CEP55: variants seen among roughly 807,000 people sequenced by gnomAD.
The protein encoded by CEP55 is centrosomal protein of 55 kDa.
In CEP55, 57 loss-of-function variants were observed where a neutral mutation model predicts 63.2. That is an observed-to-expected ratio of 0.90 (90% confidence interval 0.73 to 1.13). The LOEUF is 1.13. Among genes scored for constraint, CEP55 ranks in the 50% most tolerant of loss-of-function variants. The pLI is 0.00. For missense variants in CEP55, 456 were observed against 518.9 expected (o/e 0.88, Z 1.18); for synonymous variants, 178 against 191.6 (o/e 0.93, Z 0.59).
intron 3 of CEP55, among the ~76,000 whole-genome samples, chr10:93,506,191 C>T (rs2057686572): frequency 1.3e-5 from 2 of 152,218 alleles, no homozygotes; most frequent in African/African-American, 2.4e-5. Flanking sequence ...TCCTACCCGC[C>T]TTGCCCTCCC....
In CEP55 at chr10:93,524,788, C is replaced by T. The variant is rs184442670; in HGVS notation, c.1192-3162C>T. 4.6e-3 allele frequency among the ~76,000 whole-genome samples: 703 copies of T among 152,226 alleles called. 3 individuals carry two copies. The highest frequency in any genetic ancestry group is 0.016 in the African/African-American group (664 of 41,548). On this transcript the variant is annotated intron_variant, in intron 8 of 8. Coordinates refer to ENST00000371485, the MANE Select transcript of CEP55 (RefSeq NM_018131.5). ...TGGGATGCAAGGCTGGTTCAACATA[C>T]GCAAATCAATAAACGTAATCCAGCA...
Position 93,517,170 on chromosome 10 carries a change from A to C in CEP55, c.915A>C (p.Gln305His). The C allele has an allele frequency of 1.9e-6, 3 of 1,613,848 alleles. No individual in the cohort carries two copies. The highest frequency in any genetic ancestry group is 2.5e-6 in the Non-Finnish European group (3 of 1,179,874). ...EDDRHKTEKI[Q>H]KLREENDIAR... is the part of the protein sequence containing the mutation. ...ATAGGCATAAAACAGAGAAGATACA[A>C]AAACTCAGGGAAGAGAATGATATTG... Residue 305 changes from glutamine (Q) to histidine (H), a missense_variant, in exon 6 of 9, where the codon CAA becomes CAC. Coordinates refer to ENST00000371485, the MANE Select transcript of CEP55 (RefSeq NM_018131.5).
At chr10:93,525,164 A>G (rs1346649142) in intron 8 of CEP55, among the ~76,000 whole-genome samples, 1 of 152,238 alleles carries the variant, frequency 6.6e-6, no homozygotes, top group East Asian at 1.9e-4. Context: ...CTGTTTGCAG[A>G]TGACATGATT....
At position 93,500,078 on chromosome 10, in the gene CEP55, A is replaced by T. The variant is rs774728365; in HGVS notation, c.27A>T (p.Leu9Phe). 9 of 1,608,900 alleles carry T rather than the reference A, an allele frequency of 5.6e-6. No homozygotes were observed. In the East Asian group the frequency reaches 2.0e-4, roughly 36 times the overall value. Residue 9 changes from leucine to phenylalanine, a missense_variant, in exon 2 of 9, where the codon TTA becomes TTT. Transcript: ENST00000371485. MSSRSTKDLIKSKWGSKPS... is the reference protein window; with the variant it reads MSSRSTKDFIKSKWGSKPS... ...TGTCTTCCAGAAGTACCAAAGATTT[A>T]ATTAAAAGTAAGTGGGGATCGAAGC...
At chr10:93,498,140 G>A (rs1293323952) in intron 1 of CEP55, among the ~76,000 whole-genome samples, 1 of 122,440 alleles carries the variant, frequency 8.2e-6, no homozygotes, top group Non-Finnish European at 1.7e-5. Flanking sequence ...CCCCGCCCCC[G>A]CCAAAAAAAA....
At chr10:93,525,023 C>T (rs1316966267) in intron 8 of CEP55, among the ~76,000 whole-genome samples, 5 of 150,518 alleles carry the variant, frequency 3.3e-5, no homozygotes, top group Non-Finnish European at 7.4e-5. Context: ...CCTTTGAAAA[C>T]TGGCACAAGA....
At chr10:93,507,088 A>G in intron 4 of CEP55, 32 bp downstream of exon 4, 1 of 1,219,886 alleles carries the variant, frequency 8.2e-7, no homozygotes, top group Non-Finnish European at 1.2e-6. Flanking sequence ...TTATGGGTAA[A>G]GAGGGCTAAT....
At chr10:93,523,337 A>C (rs1460082438) in intron 8 of CEP55, among the ~76,000 whole-genome samples, 2 of 152,200 alleles carry the variant, frequency 1.3e-5, no homozygotes, top group African/African-American at 4.8e-5. Flanking sequence ...CAAAACAGAC[A>C]AAGAAGGACA....
Position 93,509,240 on chromosome 10 carries a change from C to T in CEP55, c.528+2184C>T, listed in dbSNP as rs144209193. On this transcript the variant is annotated intron_variant, in intron 4 of 8. Transcript: ENST00000371485. ...GCCCAAGCTTTTTGTTCTATCTTCT[C>T]AGCTTATTTAAGGGTCACATTGTGC... 4.1e-3 allele frequency among the ~76,000 whole-genome samples: 618 copies of T among 152,204 alleles called. 16 individuals are homozygous for T. The highest frequency in any genetic ancestry group is 7.5e-3 in the East Asian group (39 of 5,170).
In CEP55 at chr10:93,508,400, T is replaced by C. The variant is rs2057709912; in HGVS notation, c.528+1344T>C. On this transcript the variant is annotated intron_variant, in intron 4 of 8. Transcript: ENST00000371485. ...CTATCAAGTATCCTTTGAAGTCTTT[T>C]TGATCTTCAAAAGAAGAATTTAAAT... 2.0e-5 allele frequency among the ~76,000 whole-genome samples: 3 copies of C among 152,224 alleles called. No individual in the cohort carries two copies. In the South Asian group the frequency reaches 6.2e-4, roughly 32 times the overall value.
intron 3 of CEP55, among the ~76,000 whole-genome samples, chr10:93,505,822 T>C (rs1300883688): frequency 2.0e-5 from 3 of 151,372 alleles, no homozygotes; most frequent in Non-Finnish European, 2.9e-5. Flanking sequence ...ATATAATCTA[T>C]ATGAACTAAT....
At chr10:93,515,153 A>G (rs1029446599) in intron 4 of CEP55, among the ~76,000 whole-genome samples, 6 of 152,236 alleles carry the variant, frequency 3.9e-5, no homozygotes, top group Non-Finnish European at 7.3e-5. Flanking sequence ...TTTACAGAGA[A>G]TGACATATAC....
At chr10:93,518,756 C>A (rs2057828009) in intron 6 of CEP55, 121 bp from the exon 7 acceptor site, 2 of 631,896 alleles carry the variant, frequency 3.2e-6, no homozygotes, top group South Asian at 4.2e-5. Context: ...TGATTCACCC[C>A]TGACTAGCAG....
rs200547927 is a variant in CEP55, at chr10:93,528,056, T to C, written c.1298T>C (p.Leu433Pro). The C allele has an allele frequency of 1.2e-6, 2 of 1,614,056 alleles. No homozygotes were observed. Among genetic ancestry groups the C allele is most frequent in the Non-Finnish European group, 8.5e-7 (1 of 1,179,972 alleles). Residue 433 changes from leucine (L) to proline (P), a missense_variant, in exon 9 of 9, where the codon CTC (leucine) becomes CCC (proline). Leu to Pro is a moderately conservative substitution (Grantham distance 98). Transcript: ENST00000371485. ...TCACCAAAAAGTCCCACTGCTGCAC[T>C]CAATGAAAGCCTGGTGGAATGTCCC... ...AASPKSPTAA[L>P]NESLVECPKC...
intron 3 of CEP55, among the ~76,000 whole-genome samples, chr10:93,504,004 C>A (rs1190166745): frequency 6.6e-6 from 1 of 151,284 alleles, no homozygotes; most frequent in Non-Finnish European, 1.5e-5. Context: ...ATAAGCTAAA[C>A]CTGAGTTTCC....
At chr10:93,525,384 G>A (rs1002961181) in intron 8 of CEP55, among the ~76,000 whole-genome samples, 3 of 152,186 alleles carry the variant, frequency 2.0e-5, no homozygotes, top group African/African-American at 7.2e-5. Flanking sequence ...TACAAGGGAT[G>A]TGAAGGACCT....
intron 2 of CEP55, among the ~76,000 whole-genome samples, chr10:93,502,706 A>C (rs796348691): frequency 5.3e-5 from 8 of 152,298 alleles, no homozygotes; most frequent in African/African-American, 1.7e-4. Context: ...CACTGATTCA[A>C]ATTCATTAAG....
rs144885342 is a variant in CEP55 at position 93,500,069 on chromosome 10, C to G, written c.18C>G (p.Thr6=). ...TTTCAGAGATGTCTTCCAGAAGTAC[C>G]AAAGATTTAATTAAAAGTAAGTGGG... MSSRS[T]KDLIKSKWGS... is the part of the protein sequence containing the mutation. The change falls in exon 2 of 9, where the codon ACC becomes ACG. Residue 6 remains threonine, a synonymous_variant. Transcript: ENST00000371485. 14 of 1,604,558 alleles carry G rather than the reference C, an allele frequency of 8.7e-6. No individual in the cohort carries two copies. The highest frequency in any genetic ancestry group is 1.2e-5 in the Non-Finnish European group (14 of 1,176,510).
chr10:93,524,587 T>G (rs1232618279), intron 8 of CEP55, among the ~76,000 whole-genome samples: 1 of 152,206 alleles, frequency 6.6e-6, no homozygotes, highest in Non-Finnish European at 1.5e-5. Context: ...TAACTCATTT[T>G]ATGAGGCCAG....
Sources: gnomAD v4.1 joint callset for allele counts (sites outside exome capture counted in the v4.1 genomes callset) on GRCh38, gnomAD v4.1.1 for gene constraint, MANE v1.5 for transcripts, NCBI Gene and HGNC (gene_info 2026-07-23, HGNC 2026-07-21) for gene names.